Variants in ST6GALNAC3 observed in about 807,000 individuals in gnomAD.
ST6GALNAC3 encodes the protein alpha-N-acetylgalactosaminide alpha-2,6-sialyltransferase 3.
ST6GALNAC3 carries 25 observed loss-of-function variants against 32.7 expected under a neutral mutation model. That is an observed-to-expected ratio of 0.76 (90% CI 0.56 to 1.07). ST6GALNAC3 has a LOEUF of 1.07. ST6GALNAC3 is among the 50% of genes least tolerant of loss of function. The pLI is 0.00. For missense variants in ST6GALNAC3, 355 were observed against 382.4 expected (o/e 0.93, Z 0.60); for synonymous variants, 129 against 133.1 (o/e 0.97, Z 0.21).
intron 3 of ST6GALNAC3, among the ~76,000 whole-genome samples, chr1:76,570,903 T>C (rs1665821858): frequency 6.6e-6 from 1 of 152,036 alleles, no homozygotes; most frequent in South Asian, 2.1e-4. Flanking sequence ...TCTTTGTTCA[T>C]ATTCCCAGCC....
At chr1:76,193,825 A>G (rs1201954525) in intron 1 of ST6GALNAC3, among the ~76,000 whole-genome samples, 1 of 152,160 alleles carries the variant, frequency 6.6e-6, no homozygotes, top group Non-Finnish European at 1.5e-5. Context: ...TCTAGTGAGG[A>G]CTTTCTTCAT....
rs977254030 is a variant in ST6GALNAC3 at position 76,631,757 on chromosome 1, T to G, written c.*2951T>G. The G allele has an allele frequency of 6.6e-6, 1 of 152,056 alleles. No individual in the cohort carries two copies. Among genetic ancestry groups the G allele is most frequent in the South Asian group, 2.1e-4 (1 of 4,834 alleles). 9.4% of individuals were successfully genotyped at this position (152,056 alleles called of 1,614,324 possible). ...ATGAACTATAAAAAAGGGTCACAAT[T>G]TTTCTGAAATTGGCATGAAAACATT... On this transcript the variant is annotated 3_prime_UTR_variant, in exon 5 of 5. Transcript: ENST00000328299.
rs76386786 is a variant in ST6GALNAC3, at chr1:76,408,178, C to G, written c.214-3830C>G. 2.0e-3 allele frequency among the ~76,000 whole-genome samples: 307 copies of G among 152,094 alleles called. 2 individuals are homozygous for G. In the Middle Eastern group the frequency reaches 0.034, roughly 17 times the overall value. ...GATTAGGAATGTTCCATTTGTCTGG[C>G]CCCCACACTCTTGTCATACTTTAAA... On this transcript the variant is annotated intron_variant, in intron 2 of 4. Transcript: ENST00000328299.
At position 76,629,628 on chromosome 1, in the gene ST6GALNAC3, C is replaced by T; in HGVS notation, c.*822C>T. Reference sequence around the variant, plus strand: ...AACATGTAAGATACCAACTTCAACACTGTAATAACATATACTGTGAAAACA... The same window carrying T: ...AACATGTAAGATACCAACTTCAACATTGTAATAACATATACTGTGAAAACA... On this transcript the variant is annotated 3_prime_UTR_variant, in exon 5 of 5. Coordinates refer to ENST00000328299, the MANE Select transcript of ST6GALNAC3 (RefSeq NM_152996.4). 1.0e-6 allele frequency: 1 copy of T among 985,048 alleles called. No individual in the cohort carries two copies. The allele number at this position is 985,048 out of a possible 1,614,324, so 61.0% of individuals were successfully genotyped here. A position where few individuals can be genotyped will look rare whatever the true frequency, so the allele number is the denominator to read the frequency against.
chr1:76,167,857 T>C (rs1225146368), intron 1 of ST6GALNAC3, among the ~76,000 whole-genome samples: 1 of 152,114 alleles, frequency 6.6e-6, no homozygotes. Flanking sequence ...TCTGATTGTG[T>C]TTATTGGAAT....
At chr1:76,625,669 C>T (rs1177633829) in intron 3 of ST6GALNAC3, among the ~76,000 whole-genome samples, 1 of 151,848 alleles carries the variant, frequency 6.6e-6, no homozygotes, top group Non-Finnish European at 1.5e-5. Context: ...GCTGCTCCTC[C>T]TCAAACCCCA....
At chr1:76,112,791 A>C (rs1464252579) in intron 1 of ST6GALNAC3, among the ~76,000 whole-genome samples, 1 of 150,706 alleles carries the variant, frequency 6.6e-6, no homozygotes. Context: ...GCGGCCGGGC[A>C]GAGATGCTCC....
At chr1:76,591,779 T>C (rs1647051803) in intron 3 of ST6GALNAC3, among the ~76,000 whole-genome samples, 1 of 151,700 alleles carries the variant, frequency 6.6e-6, no homozygotes, top group African/African-American at 2.4e-5. Context: ...ACAGAGGAGG[T>C]CATATGTGAG....
intron 3 of ST6GALNAC3, among the ~76,000 whole-genome samples, chr1:76,617,455 G>T (rs1438663168): frequency 6.6e-6 from 1 of 152,094 alleles, no homozygotes; most frequent in East Asian, 1.9e-4. Flanking sequence ...CCTTTATCAG[G>T]TTAGCAGGGA....
chr1:76,134,733 C>A (rs1162157371), intron 1 of ST6GALNAC3, among the ~76,000 whole-genome samples: 1 of 152,224 alleles, frequency 6.6e-6, no homozygotes, highest in African/African-American at 2.4e-5. Context: ...GGCAATGGCT[C>A]TTGCCTTGTG....
intron 3 of ST6GALNAC3, among the ~76,000 whole-genome samples, chr1:76,565,293 CGT>C (rs1376358120): frequency 2.4e-4 from 36 of 152,088 alleles, no homozygotes; most frequent in Non-Finnish European, 1.5e-5. Context: ...ACCACACAGG[CGT>C]TAAAGATTTT....
intron 1 of ST6GALNAC3, among the ~76,000 whole-genome samples, chr1:76,081,989 CTGATAA>C (rs921453175): frequency 2.3e-4 from 35 of 152,252 alleles, no homozygotes; most frequent in African/African-American, 8.4e-4. Flanking sequence ...ATTATTAGTA[CTGATAA>C]TAGCTGGAAT....
At chr1:76,314,171 G>A (rs1168315632) in intron 2 of ST6GALNAC3, among the ~76,000 whole-genome samples, 172 bp downstream of exon 2, 1 of 152,046 alleles carries the variant, frequency 6.6e-6, no homozygotes, top group African/African-American at 2.4e-5. Context: ...ACTGACAAAT[G>A]TCTAAATCTG....
chr1:76,376,709 T>A (rs1469553697), intron 2 of ST6GALNAC3, among the ~76,000 whole-genome samples: 2 of 152,236 alleles, frequency 1.3e-5, no homozygotes, highest in Non-Finnish European at 2.9e-5. Context: ...TTTTAATTAG[T>A]GTATTTAGAC....
At chr1:76,607,064 G>T (rs745472841) in intron 3 of ST6GALNAC3, among the ~76,000 whole-genome samples, 5 of 152,116 alleles carry the variant, frequency 3.3e-5, no homozygotes, top group Non-Finnish European at 7.4e-5. Context: ...AATCAGGGGT[G>T]CTTACTACTT....
intron 2 of ST6GALNAC3, among the ~76,000 whole-genome samples, chr1:76,334,748 C>G (rs906480137): frequency 1.3e-5 from 2 of 152,112 alleles, no homozygotes; most frequent in Non-Finnish European, 2.9e-5. Flanking sequence ...TTTAGAAAAG[C>G]AATTTTTAAA....
At chr1:76,376,775 G>T (rs1651270596) in intron 2 of ST6GALNAC3, among the ~76,000 whole-genome samples, 1 of 152,060 alleles carries the variant, frequency 6.6e-6, no homozygotes, top group South Asian at 2.1e-4. Flanking sequence ...CCATTTAATT[G>T]TTTGTTTTCT....
intron 3 of ST6GALNAC3, among the ~76,000 whole-genome samples, chr1:76,549,919 C>T (rs1353365776): frequency 6.6e-6 from 1 of 152,076 alleles, no homozygotes; most frequent in Non-Finnish European, 1.5e-5. Flanking sequence ...TTTGTGTTTC[C>T]CTGACAATGA....
At chr1:76,457,078 A>C (rs1657869495) in intron 3 of ST6GALNAC3, among the ~76,000 whole-genome samples, 1 of 151,984 alleles carries the variant, frequency 6.6e-6, no homozygotes, top group Non-Finnish European at 1.5e-5. Flanking sequence ...CAGAGAGCCA[A>C]ATCATGAGTG....
Sources: gnomAD v4.1 joint callset for allele counts (sites outside exome capture counted in the v4.1 genomes callset) on GRCh38, gnomAD v4.1.1 for gene constraint, MANE v1.5 for transcripts, NCBI Gene and HGNC (gene_info 2026-07-23, HGNC 2026-07-21) for gene names.